Variants in RPS6KC1 observed in about 807,000 individuals in gnomAD.
The protein encoded by RPS6KC1 is inactive ribosomal protein S6 kinase delta-1.
RPS6KC1 carries 54 observed loss-of-function variants against 103.8 expected under a neutral mutation model. The ratio of observed to expected loss-of-function variants is 0.52; its 90% CI spans 0.42 to 0.65. The LOEUF (loss-of-function observed/expected upper bound fraction) is 0.65. Among genes scored for constraint, RPS6KC1 ranks in the 30% least tolerant of loss-of-function variants. RPS6KC1 has a pLI of 0.00. For synonymous variants in RPS6KC1, 439 were observed against 438.7 expected, an observed-to-expected ratio of 1.00 and a Z score of -0.01; for missense variants, 1,151 against 1,253.8, an observed-to-expected ratio of 0.92 and a Z score of 1.24.
the RPS6KC1 span, among the ~76,000 whole-genome samples, chr1:213,796,671 A>G: frequency 6.6e-6 from 1 of 152,150 alleles, no homozygotes; most frequent in African/African-American, 2.4e-5. Context: ...GCCATGTCTC[A>G]TATCCACTTT....
chr1:213,474,101 A>C, the RPS6KC1 span, among the ~76,000 whole-genome samples: 1 of 152,004 alleles, frequency 6.6e-6, no homozygotes, highest in Non-Finnish European at 1.5e-5. Context: ...TCCCTTTGTT[A>C]TCTCTCATTT....
chr1:213,420,323 G>A, the RPS6KC1 span, among the ~76,000 whole-genome samples: 1 of 152,096 alleles, frequency 6.6e-6, no homozygotes, highest in African/African-American at 2.4e-5. Flanking sequence ...TTCCCAAAAG[G>A]AAAAAGTAGG....
chr1:213,469,693 C>T, the RPS6KC1 span, among the ~76,000 whole-genome samples: 1 of 131,024 alleles, frequency 7.6e-6, no homozygotes, highest in South Asian at 2.7e-4. Context: ...GTGCATGTGT[C>T]TCTGAAGACA....
chr1:213,369,513 C>T, the RPS6KC1 span, among the ~76,000 whole-genome samples: 1 of 152,240 alleles, frequency 6.6e-6, no homozygotes, highest in East Asian at 1.9e-4. Flanking sequence ...CGCAATTCCA[C>T]TAAAGGCTGG....
At chr1:213,646,052 A>G in the RPS6KC1 span, among the ~76,000 whole-genome samples, 1 of 152,244 alleles carries the variant, frequency 6.6e-6, no homozygotes, top group African/African-American at 2.4e-5. Flanking sequence ...CTTTGTTTTC[A>G]TACATTTTCT....
the RPS6KC1 span, among the ~76,000 whole-genome samples, chr1:213,308,054 G>T: frequency 6.6e-6 from 1 of 152,138 alleles, no homozygotes; most frequent in Non-Finnish European, 1.5e-5. Context: ...GCTCACACCT[G>T]TAATCTGAGC....
At chr1:213,189,603 A>G (rs1398707180) in intron 8 of RPS6KC1, among the ~76,000 whole-genome samples, 1 of 152,188 alleles carries the variant, frequency 6.6e-6, no homozygotes, top group Non-Finnish European at 1.5e-5. Context: ...TAATCATATC[A>G]AGGGAGATGG....
intron 8 of RPS6KC1, among the ~76,000 whole-genome samples, chr1:213,218,985 T>C (rs1019027698): frequency 6.6e-6 from 1 of 152,164 alleles, no homozygotes; most frequent in African/African-American, 2.4e-5. Flanking sequence ...CCAAAAGCAA[T>C]GGCAACAAAA....
chr1:213,444,377 C>T, the RPS6KC1 span, among the ~76,000 whole-genome samples: 1 of 152,112 alleles, frequency 6.6e-6, no homozygotes, highest in Non-Finnish European at 1.5e-5. Context: ...GATGTTCCTT[C>T]TCTGATGTGG....
chr1:213,176,548 T>TTC, intron 8 of RPS6KC1, 56 bp downstream of exon 8: 7 of 1,184,132 alleles, frequency 5.9e-6, no homozygotes, highest in Non-Finnish European at 8.7e-6. Context: ...CATGCTGACA[T>TTC]TCTGTCTTTG....
At chr1:213,319,347 G>A in the RPS6KC1 span, among the ~76,000 whole-genome samples, 1 of 149,176 alleles carries the variant, frequency 6.7e-6, no homozygotes, top group Admixed American at 6.7e-5. Context: ...GCAAGGTGCT[G>A]TCATGGAGAG....
At chr1:213,111,431 A>G (rs918022958) in intron 4 of RPS6KC1, among the ~76,000 whole-genome samples, 2 of 152,218 alleles carry the variant, frequency 1.3e-5, no homozygotes, top group African/African-American at 2.4e-5. Flanking sequence ...TTTTACTGCT[A>G]CATCCCTCTA....
chr1:213,334,123 C>G, the RPS6KC1 span, among the ~76,000 whole-genome samples: 3 of 152,194 alleles, frequency 2.0e-5, no homozygotes, highest in Non-Finnish European at 4.4e-5. Flanking sequence ...ACAATAGTAG[C>G]ATTTACTGAG....
chr1:213,371,351 T>C, the RPS6KC1 span, among the ~76,000 whole-genome samples: 384 of 152,360 alleles, frequency 2.5e-3, 2 homozygotes, highest in African/African-American at 8.9e-3. Context: ...TCCGTTCATT[T>C]GTCAATGGGA....
At chr1:213,075,286 T>C (rs1407590613) in intron 2 of RPS6KC1, among the ~76,000 whole-genome samples, 1 of 152,206 alleles carries the variant, frequency 6.6e-6, no homozygotes, top group Non-Finnish European at 1.5e-5. Context: ...TATAAGGTAC[T>C]GCTTACATAA....
the RPS6KC1 span, among the ~76,000 whole-genome samples, chr1:213,407,218 G>GCGCA: frequency 7.8e-6 from 1 of 127,502 alleles, no homozygotes. Context: ...ATGCACGCGC[G>GCGCA]CACACACACA....
chr1:213,521,384 T>C, the RPS6KC1 span, among the ~76,000 whole-genome samples: 1 of 152,252 alleles, frequency 6.6e-6, no homozygotes, highest in African/African-American at 2.4e-5. Context: ...AAGCCTTCCG[T>C]GAGTCAATCT....
the RPS6KC1 span, among the ~76,000 whole-genome samples, chr1:213,697,326 C>T: frequency 6.6e-6 from 1 of 152,240 alleles, no homozygotes; most frequent in African/African-American, 2.4e-5. Flanking sequence ...TCGTGCATTA[C>T]TGCACTGGTC....
chr1:213,511,657 A>T, the RPS6KC1 span, among the ~76,000 whole-genome samples: 5,812 of 152,244 alleles, frequency 0.038, 155 homozygotes, highest in African/African-American at 0.074. Context: ...TTCTCCAGCT[A>T]TGCAGATCTC....
Sources: gnomAD v4.1 joint callset for allele counts (sites outside exome capture counted in the v4.1 genomes callset) on GRCh38, gnomAD v4.1.1 for gene constraint, MANE v1.5 for transcripts, NCBI Gene and HGNC (gene_info 2026-07-23, HGNC 2026-07-21) for gene names.